Variants in XRCC5 observed in about 807,000 individuals in gnomAD.
XRCC5 encodes the protein X-ray repair cross complementing 5.
In XRCC5, 12 loss-of-function variants were observed where a neutral mutation model predicts 95.7. The observed-to-expected ratio is 0.13, with a 90% CI of 0.08 to 0.20. The LOEUF (loss-of-function observed/expected upper bound fraction) is 0.20, where lower values mean the gene tolerates loss of function less well. Ranked by LOEUF, XRCC5 falls within the 10% of genes least tolerant of loss-of-function variation. The pLI is 1.00. For synonymous variants in XRCC5, 281 were observed against 290.3 expected (o/e 0.97, Z 0.33); for missense variants, 595 against 873.9 (o/e 0.68, Z 4.02).
chr2:216,171,256 A>T (rs1327696406), intron 16 of XRCC5, among the ~76,000 whole-genome samples: 1 of 152,254 alleles, frequency 6.6e-6, no homozygotes, highest in Non-Finnish European at 1.5e-5. Context: ...AAATATGCTG[A>T]CACAGAAAGA....
intron 16 of XRCC5, among the ~76,000 whole-genome samples, chr2:216,172,139 C>T (rs1267507365): frequency 6.6e-6 from 1 of 152,140 alleles, no homozygotes; most frequent in Non-Finnish European, 1.5e-5. Context: ...CATCTTGGGC[C>T]TGACGAGTTG....
intron 14 of XRCC5, among the ~76,000 whole-genome samples, chr2:216,155,832 G>A (rs1688832031): frequency 6.6e-6 from 1 of 152,152 alleles, no homozygotes; most frequent in Non-Finnish European, 1.5e-5. Context: ...AAGAGGGTAA[G>A]TGGGGTGCAG....
chr2:216,190,014 A>G (rs748422803), intron 16 of XRCC5, among the ~76,000 whole-genome samples: 2 of 152,340 alleles, frequency 1.3e-5, no homozygotes, highest in African/African-American at 2.4e-5. Context: ...TTTCTTGACA[A>G]ATATCAATAG....
chr2:216,112,434 T>A (rs1696604997), intron 1 of XRCC5, among the ~76,000 whole-genome samples: 1 of 152,260 alleles, frequency 6.6e-6, no homozygotes, highest in Non-Finnish European at 1.5e-5. Flanking sequence ...TGTTCTGGTA[T>A]TATTTGTTAT....
chr2:216,190,470 G>A, intron 17 of XRCC5, 136 bp downstream of exon 17: 1 of 629,954 alleles, frequency 1.6e-6, no homozygotes, highest in Non-Finnish European at 2.6e-6. Flanking sequence ...GTATGCCAGT[G>A]GAGCTAAAAA....
chr2:216,119,263 G>T (rs1364311265), intron 5 of XRCC5, 98 bp downstream of exon 5: 1 of 1,361,014 alleles, frequency 7.3e-7, no homozygotes, highest in East Asian at 2.4e-5. Flanking sequence ...GGGAATTTTC[G>T]CTTTCTGCTC....
At position 216,148,150 on chromosome 2, in the gene XRCC5, T is replaced by C. The variant is rs1282433961; in HGVS notation, c.1544T>C (p.Met515Thr). ...CCAATTCAGCAGCATATTTGGAATA[T>C]GCTGAATCCTCCCGCTGAGGTGACA... ...LPPIQQHIWN[M>T]LNPPAEVTTK... Residue 515 changes from methionine (M) to threonine (T), a missense_variant, in exon 14 of 21, where the codon ATG (methionine) becomes ACG (threonine). Coordinates refer to ENST00000392132, the MANE Select transcript of XRCC5 (RefSeq NM_021141.4). 3.7e-6 allele frequency: 6 copies of C among 1,614,156 alleles called. No homozygotes were observed. Among genetic ancestry groups the C allele is most frequent in the South Asian group, 1.1e-5 (1 of 91,072 alleles).
At position 216,113,110 on chromosome 2, in the gene XRCC5, C is replaced by G; in HGVS notation, c.116C>G (p.Thr39Ser). 6.2e-7 allele frequency: 1 copy of G among 1,613,878 alleles called. No individual in the cohort carries two copies. The highest frequency in any genetic ancestry group is 1.6e-4 in the Middle Eastern group (1 of 6,062). ...TTTGAACAAGCAAAGAAGGTGATAA[C>G]CATGTTTGTACAGCGACAGGTAAGT... ...SPFEQAKKVI[T>S]MFVQRQVFAE... The change falls in exon 2 of 21, where the codon ACC (threonine) becomes AGC (serine). Residue 39 changes from threonine to serine, a missense_variant. Thr to Ser is a moderately conservative substitution (Grantham distance 58). This residue lies in a region of XRCC5 where 286 missense variants were observed against 491.1 expected (regional missense o/e 0.58). Coordinates refer to ENST00000392132, the MANE Select transcript of XRCC5 (RefSeq NM_021141.4).
rs1490821849 is a variant in XRCC5, at chr2:216,187,835, T to A, written c.1835-2390T>A. ...CACACACACACACTCTCTCTCTCTC[T>A]CTCTCTCTCTCTCTCTCTCTCTCTC... On this transcript the variant is annotated intron_variant, in intron 16 of 20. Transcript: ENST00000392132. Among the ~76,000 whole-genome samples the A allele has an allele frequency of 3.6e-3, 446 of 124,122 alleles. 2 individuals carry two copies. The highest frequency in any genetic ancestry group is 7.1e-3 in the South Asian group (27 of 3,826). The allele number at this position is 124,122 out of a possible 152,430, so 81.4% of individuals were successfully genotyped here.
intron 19 of XRCC5, among the ~76,000 whole-genome samples, chr2:216,200,429 G>A (rs1689814957): frequency 6.6e-6 from 1 of 152,174 alleles, no homozygotes; most frequent in South Asian, 2.1e-4. Flanking sequence ...ATTCTCTGGT[G>A]TAGTTTGCTA....
chr2:216,123,121 T>C (rs1449979491), intron 6 of XRCC5, among the ~76,000 whole-genome samples: 1 of 152,216 alleles, frequency 6.6e-6, no homozygotes, highest in Non-Finnish European at 1.5e-5. Context: ...TCTTGAATTA[T>C]TTCCAGCTTA....
Position 216,148,207 on chromosome 2 carries a change from A to G in XRCC5, c.1601A>G (p.Lys534Arg), listed in dbSNP as rs1456130644. 2 of 1,614,070 alleles carry G rather than the reference A, an allele frequency of 1.2e-6. No individual in the cohort carries two copies. Among genetic ancestry groups the G allele is most frequent in the East Asian group, 4.5e-5 (2 of 44,874 alleles). ...TKSQIPLSKI[K>R]TLFPLIEAKK... is the part of the protein sequence containing the mutation. ...AGTCAGATTCCTCTCTCTAAAATAA[A>G]GACCCTTTTTCCTCTGATTGAAGCC... The change falls in exon 14 of 21, where the codon AAG becomes AGG. Residue 534 changes from lysine to arginine, a missense_variant. By Grantham distance (26) the Lys-to-Arg change is conservative. Around this residue, in one of 2 missense-constraint regions of XRCC5, gnomAD observed 309 missense variants for 382.9 expected, o/e 0.81. Coordinates refer to ENST00000392132, the MANE Select transcript of XRCC5 (RefSeq NM_021141.4).
At chr2:216,152,157 C>A (rs929919891) in intron 14 of XRCC5, among the ~76,000 whole-genome samples, 1 of 152,156 alleles carries the variant, frequency 6.6e-6, no homozygotes, top group Non-Finnish European at 1.5e-5. Flanking sequence ...AGATTTGGGG[C>A]TCGGCTCAGT....
At chr2:216,169,719 G>A (rs555211648) in intron 16 of XRCC5, among the ~76,000 whole-genome samples, 1 of 151,994 alleles carries the variant, frequency 6.6e-6, no homozygotes, top group East Asian at 1.9e-4. Flanking sequence ...ATGCTGGAAG[G>A]TTGTGTCTAA....
At chr2:216,189,290 T>C (rs1162100925) in intron 16 of XRCC5, among the ~76,000 whole-genome samples, 2 of 152,216 alleles carry the variant, frequency 1.3e-5, no homozygotes, top group Non-Finnish European at 2.9e-5. Context: ...TCAGCATAAA[T>C]TGCCAAACAG....
chr2:216,115,680 TCA>T (rs1469862929), intron 2 of XRCC5, among the ~76,000 whole-genome samples: 1 of 152,242 alleles, frequency 6.6e-6, no homozygotes, highest in Non-Finnish European at 1.5e-5. Flanking sequence ...GTCTTTTGTG[TCA>T]GATACTATTT....
chr2:216,154,126 G>T (rs542823594), intron 14 of XRCC5, among the ~76,000 whole-genome samples: 1 of 152,324 alleles, frequency 6.6e-6, no homozygotes, highest in African/African-American at 2.4e-5. Flanking sequence ...TGATTTTGGG[G>T]TCGAATTTGG....
intron 13 of XRCC5, among the ~76,000 whole-genome samples, chr2:216,144,323 A>G (rs1688577661): frequency 1.3e-5 from 2 of 152,224 alleles, no homozygotes; most frequent in African/African-American, 2.4e-5. Flanking sequence ...GAAATGATGG[A>G]AAACGTGACA....
rs777658701 is a variant in XRCC5, at chr2:216,115,746, A to T, written c.136-913A>T. 2.4e-4 allele frequency among the ~76,000 whole-genome samples: 36 copies of T among 152,098 alleles called. 1 individual carries two copies. Among genetic ancestry groups the T allele is most frequent in the Non-Finnish European group, 2.9e-4 (20 of 67,988 alleles). On this transcript the variant is annotated intron_variant, in intron 2 of 20. Coordinates refer to ENST00000392132, the MANE Select transcript of XRCC5 (RefSeq NM_021141.4). ...TTCATAAAATAGGCAAATATGGAGA[A>T]TATACAGGTAACCAATTTTCCCATT... is the stretch of plus-strand genomic sequence containing the variant.
Sources: gnomAD v4.1 joint callset for allele counts (sites outside exome capture counted in the v4.1 genomes callset) on GRCh38, gnomAD v4.1.1 for gene constraint, gnomAD v4.1.1 regional missense constraint, MANE v1.5 for transcripts, NCBI Gene and HGNC (gene_info 2026-07-23, HGNC 2026-07-21) for gene names.